Variants in ACYP2 observed in about 807,000 individuals in gnomAD.
ACYP2 encodes acylphosphatase-2.
In ACYP2, 12 loss-of-function variants were observed where a neutral mutation model predicts 11.2. That is an observed-to-expected ratio of 1.08 (90% CI 0.69 to 1.74). ACYP2 has a LOEUF of 1.74. Among genes scored for constraint, ACYP2 ranks in the 40% most tolerant of loss-of-function variants. The pLI, the probability that ACYP2 is intolerant of heterozygous loss-of-function variation, is 0.00. For missense variants in ACYP2, 134 were observed against 101.9 expected (o/e 1.31, Z -1.35); for synonymous variants, 43 against 32.2 (o/e 1.33, Z -1.13).
At chr2:54,008,117 T>A (rs1673174599) in intron 2 of ACYP2, among the ~76,000 whole-genome samples, 1 of 152,194 alleles carries the variant, frequency 6.6e-6, no homozygotes, top group African/African-American at 2.4e-5. Context: ...CAGGCCACCA[T>A]AAACTGCAGT....
chr2:54,090,289 C>T (rs2103679981), intron 4 of ACYP2, among the ~76,000 whole-genome samples: 1 of 152,228 alleles, frequency 6.6e-6, no homozygotes, highest in African/African-American at 2.4e-5. Flanking sequence ...TGCTTTTCTA[C>T]TGCATGAACC....
chr2:54,293,379 C>T (rs1689394649), intron 6 of ACYP2, among the ~76,000 whole-genome samples: 1 of 152,204 alleles, frequency 6.6e-6, no homozygotes, highest in African/African-American at 2.4e-5. Flanking sequence ...CTTCTCTACT[C>T]CTAGGACCTT....
chr2:54,197,909 A>G (rs1480867489), intron 6 of ACYP2, among the ~76,000 whole-genome samples: 1 of 112,108 alleles, frequency 8.9e-6, no homozygotes, highest in Non-Finnish European at 2.0e-5. Context: ...ATTTTATTTT[A>G]TTTTATTATT....
intron 6 of ACYP2, among the ~76,000 whole-genome samples, chr2:54,304,218 CTGTGTGTGTGTG>C (rs10531789): frequency 2.1e-4 from 31 of 149,356 alleles, no homozygotes; most frequent in South Asian, 4.3e-4. Context: ...ATATATATGT[CTGTGTGTGTGTG>C]TGTGTGTGTG....
chr2:54,120,393 T>C (rs1369124920), intron 4 of ACYP2, among the ~76,000 whole-genome samples: 1 of 152,162 alleles, frequency 6.6e-6, no homozygotes, highest in African/African-American at 2.4e-5. Flanking sequence ...ATCTGAAAAT[T>C]TGAAAGGGAA....
intron 6 of ACYP2, among the ~76,000 whole-genome samples, chr2:54,193,035 G>A (rs1361266252): frequency 6.6e-6 from 1 of 152,170 alleles, no homozygotes. Flanking sequence ...TCAATTAGTA[G>A]TCCCTATGAA....
chr2:54,017,856 A>T (rs1048737676), intron 2 of ACYP2, among the ~76,000 whole-genome samples: 2 of 151,718 alleles, frequency 1.3e-5, no homozygotes, highest in African/African-American at 2.4e-5. Flanking sequence ...GTGTGTTACT[A>T]TTTGTTGTAT....
chr2:54,291,710 C>G (rs1311499439), intron 6 of ACYP2, among the ~76,000 whole-genome samples: 2 of 152,082 alleles, frequency 1.3e-5, no homozygotes, highest in Non-Finnish European at 2.9e-5. Flanking sequence ...CCATGTGGCT[C>G]GGGGGCCAAC....
At chr2:53,971,908 A>G (rs1671150035) in intron 1 of ACYP2, among the ~76,000 whole-genome samples, 1 of 152,246 alleles carries the variant, frequency 6.6e-6, no homozygotes. Context: ...GGGACGGAGA[A>G]ATGAGACTGA....
At chr2:54,256,046 T>C (rs1184792401) in intron 6 of ACYP2, 1 of 1,614,032 alleles carries the variant, frequency 6.2e-7, no homozygotes, top group African/African-American at 1.3e-5. Context: ...ATATCTGCCA[T>C]TACCTCTGTC....
At chr2:54,171,926 T>C (rs1258182804) in intron 6 of ACYP2, among the ~76,000 whole-genome samples, 1 of 152,158 alleles carries the variant, frequency 6.6e-6, no homozygotes, top group African/African-American at 2.4e-5. Flanking sequence ...AAAATTGATA[T>C]TCTTGGGTTG....
intron 6 of ACYP2, among the ~76,000 whole-genome samples, chr2:54,210,474 T>C (rs1299975393): frequency 6.6e-6 from 1 of 152,232 alleles, no homozygotes; most frequent in East Asian, 1.9e-4. Context: ...TGAGCGGTGT[T>C]ATAATTCACT....
chr2:54,032,896 C>T (rs149123858), intron 2 of ACYP2, among the ~76,000 whole-genome samples: 1 of 152,042 alleles, frequency 6.6e-6, no homozygotes, highest in Non-Finnish European at 1.5e-5. Context: ...GCCATACTGC[C>T]CGAGGAAAGC....
intron 6 of ACYP2, among the ~76,000 whole-genome samples, chr2:54,219,847 GTGTATATAGA>G (rs1685714564): frequency 8.9e-6 from 1 of 112,472 alleles, no homozygotes; most frequent in South Asian, 3.0e-4. Flanking sequence ...GTGTATGTGT[GTGTATATAGA>G]TGTGTGTGTG....
At chr2:54,283,454 T>C (rs1688932460) in intron 6 of ACYP2, among the ~76,000 whole-genome samples, 1 of 152,134 alleles carries the variant, frequency 6.6e-6, no homozygotes, top group East Asian at 1.9e-4. Context: ...GCTTTACATA[T>C]ATTAACTCCT....
chr2:54,065,467 C>CT (rs1474046432), intron 4 of ACYP2: 2 of 398,592 alleles, frequency 5.0e-6, no homozygotes, highest in Admixed American at 4.4e-5. Flanking sequence ...TAGATCCAGA[C>CT]TCTGAATTCA....
chr2:54,079,275 C>T (rs1333825893), intron 4 of ACYP2, among the ~76,000 whole-genome samples: 1 of 152,204 alleles, frequency 6.6e-6, no homozygotes, highest in African/African-American at 2.4e-5. Context: ...TGTGTACCAG[C>T]CAGGAGACTT....
chr2:54,161,054 A>G (rs374651203), intron 6 of ACYP2, among the ~76,000 whole-genome samples: 5 of 152,220 alleles, frequency 3.3e-5, no homozygotes, highest in Admixed American at 6.5e-5. Flanking sequence ...TGGGGTCCAC[A>G]TTGAGCCTAC....
intron 2 of ACYP2, among the ~76,000 whole-genome samples, chr2:53,999,924 G>C (rs1414775496): frequency 6.6e-6 from 1 of 152,100 alleles, no homozygotes; most frequent in African/African-American, 2.4e-5. Context: ...ACTTGCCCTT[G>C]AGATTTAAAC....
Sources: gnomAD v4.1 joint callset for allele counts (sites outside exome capture counted in the v4.1 genomes callset) on GRCh38, gnomAD v4.1.1 for gene constraint, MANE v1.5 for transcripts, NCBI Gene and HGNC (gene_info 2026-07-23, HGNC 2026-07-21) for gene names.